Variants in CPA4 observed in about 807,000 individuals in gnomAD.
CPA4 encodes the protein carboxypeptidase A4, also known as carboxypeptidase A3.
In CPA4, 49 loss-of-function variants were observed where a neutral mutation model predicts 54.7. That is an observed-to-expected ratio of 0.90 (90% CI 0.71 to 1.14). The LOEUF (loss-of-function observed/expected upper bound fraction) is 1.14, where lower values mean the gene tolerates loss of function less well. CPA4 is among the 50% of genes most tolerant of loss of function. The pLI is 0.00. For synonymous variants in CPA4, 215 were observed against 206.8 expected (o/e 1.04, Z -0.34); for missense variants, 487 against 525.1 (o/e 0.93, Z 0.71).
In CPA4 at chr7:130,310,268, G is replaced by T. The variant is rs1214505739; in HGVS notation, c.794-519G>T. 2.0e-5 allele frequency among the ~76,000 whole-genome samples: 3 copies of T among 152,048 alleles called. No homozygotes were observed. Among genetic ancestry groups the T allele is most frequent in the Non-Finnish European group, 4.4e-5 (3 of 68,014 alleles). ...CACGCACACACACACGTATGCACGT[G>T]TGCACACACACACCCTAGAAACCCG... On this transcript the variant is annotated intron_variant, in intron 8 of 10. Coordinates refer to ENST00000222482, the MANE Select transcript of CPA4 (RefSeq NM_016352.4). The surrounding 1 kb of genome is among the most constrained non-coding windows in gnomAD (Gnocchi z 4.3).
At chr7:130,308,251 C>A in intron 7 of CPA4, 56 bp from the exon 8 acceptor site, 1 of 1,480,198 alleles carries the variant, frequency 6.8e-7, no homozygotes. Flanking sequence ...CCCTAGCCCT[C>A]TTCGGTGATC....
chr7:130,299,978 T>C (rs1408672087), intron 3 of CPA4, among the ~76,000 whole-genome samples: 1 of 152,222 alleles, frequency 6.6e-6, no homozygotes, highest in Non-Finnish European at 1.5e-5. Flanking sequence ...CCTCACGACC[T>C]GTATCTGAAC....
chr7:130,305,448 G>A (rs909915287), intron 5 of CPA4, among the ~76,000 whole-genome samples: 2 of 152,052 alleles, frequency 1.3e-5, no homozygotes, highest in Admixed American at 1.3e-4. Context: ...TTATCATGTC[G>A]ACCGAAACAG....
At chr7:130,311,750 T>C (rs889857456) in intron 9 of CPA4, among the ~76,000 whole-genome samples, 1 of 151,822 alleles carries the variant, frequency 6.6e-6, no homozygotes, top group Non-Finnish European at 1.5e-5. Context: ...AGAACCCCCA[T>C]CTCTTCCAAT....
intron 10 of CPA4, among the ~76,000 whole-genome samples, chr7:130,312,548 C>G (rs1793931196): frequency 6.6e-6 from 1 of 152,186 alleles, no homozygotes; most frequent in African/African-American, 2.4e-5. Context: ...GTAATTGAAT[C>G]ATGGGGGCAG....
At chr7:130,298,917 A>G in intron 2 of CPA4, 90 bp downstream of exon 2, 1 of 803,850 alleles carries the variant, frequency 1.2e-6, no homozygotes, top group East Asian at 2.5e-5. Context: ...TTTATTTCTG[A>G]GGAGTCTCTG....
intron 1 of CPA4, among the ~76,000 whole-genome samples, chr7:130,298,104 C>T (rs918410257): frequency 4.6e-5 from 7 of 152,170 alleles, no homozygotes; most frequent in South Asian, 4.1e-4. Flanking sequence ...TCCACCCAAA[C>T]GAGCCTCTGT....
rs1173336986 is a variant in CPA4 at position 130,322,419 on chromosome 7, C to G, written c.1079-70C>G. ...CTTAAGGAACCCCAGGCAGGCAGAG[C>G]TCTTGGCCCCTTCCCATCTAACCCA... is the stretch of plus-strand genomic sequence containing the variant. On this transcript the variant is annotated intron_variant, in intron 10 of 10. Coordinates refer to ENST00000222482, the MANE Select transcript of CPA4 (RefSeq NM_016352.4). 3.8e-6 allele frequency: 5 copies of G among 1,326,678 alleles called. No homozygotes were observed. The Admixed American group carries it at 9.3e-5, about 25-fold the overall frequency. 82.2% of individuals were successfully genotyped at this position (1,326,678 alleles called of 1,614,324 possible). A position where few individuals can be genotyped will look rare whatever the true frequency, so the allele number is the denominator to read the frequency against.
At chr7:130,299,059 G>T (rs1793698306) in intron 2 of CPA4, among the ~76,000 whole-genome samples, 1 of 152,246 alleles carries the variant, frequency 6.6e-6, no homozygotes, top group Admixed American at 6.5e-5. Flanking sequence ...CCTTCTAGCT[G>T]CCATCCACTT....
rs552604106 is a variant in CPA4 at position 130,311,216 on chromosome 7, C to T, written c.993+230C>T. ...TGAGTTCCCAGAACCGTGCCTGCCC[C>T]GCCTTTCCGTCTCCCTTGTTTTTCT... On this transcript the variant is annotated intron_variant, in intron 9 of 10. Coordinates refer to ENST00000222482, the MANE Select transcript of CPA4 (RefSeq NM_016352.4). Among the ~76,000 whole-genome samples, 31 of 152,324 alleles carry T rather than the reference C, an allele frequency of 2.0e-4. 1 individual carries two copies. The highest frequency in any genetic ancestry group is 8.5e-4 in the Admixed American group (13 of 15,298).
At chr7:130,312,518 T>G (rs1223264271) in intron 10 of CPA4, among the ~76,000 whole-genome samples, 2 of 152,150 alleles carry the variant, frequency 1.3e-5, no homozygotes, top group Non-Finnish European at 2.9e-5. Flanking sequence ...CCACATGTTG[T>G]GGGAGGGACC....
intron 2 of CPA4, among the ~76,000 whole-genome samples, chr7:130,299,068 T>G (rs977926021): frequency 5.9e-5 from 9 of 152,262 alleles, no homozygotes; most frequent in African/African-American, 2.2e-4. Flanking sequence ...TGCCATCCAC[T>G]TATGACTCTT....
At chr7:130,311,652 C>T (rs978281006) in intron 9 of CPA4, among the ~76,000 whole-genome samples, 2 of 152,110 alleles carry the variant, frequency 1.3e-5, no homozygotes, top group African/African-American at 4.8e-5. Context: ...TTTGGCCCTC[C>T]CTCATGTGTG....
In CPA4 at chr7:130,308,407, G is replaced by C. The variant is rs912344719; in HGVS notation, c.793+10G>C. On this transcript the variant is annotated intron_variant, in intron 8 of 10. Coordinates refer to ENST00000222482, the MANE Select transcript of CPA4 (RefSeq NM_016352.4). ...AACGCTAGTTTTGCAGGTAGGCGGT[G>C]GGGAGACAGTTCTCAAATCCTGCTG... 1.9e-6 allele frequency: 3 copies of C among 1,609,990 alleles called. No individual in the cohort carries two copies. Among genetic ancestry groups the C allele is most frequent in the Non-Finnish European group, 1.7e-6 (2 of 1,176,250 alleles).
In CPA4 at chr7:130,323,895, TTGTG is replaced by T. The variant is rs57842029; in HGVS notation, c.*1257_*1260del. 0.1 allele frequency: 14,657 copies of T among 145,102 alleles called. 786 individuals carry two copies. Among genetic ancestry groups the T allele is most frequent in the African/African-American group, 0.16 (6,061 of 38,974 alleles). 9.0% of individuals were successfully genotyped at this position (145,102 alleles called of 1,614,324 possible). A position where few individuals can be genotyped will look rare whatever the true frequency, so the allele number is the denominator to read the frequency against. ...GTATCCTGTGTTTCCTTGTCCTGGT[TTGTG>T]TGTGTGTGTGTGTGTGTGTGTGTGT... is the stretch of plus-strand genomic sequence containing the variant. On this transcript the variant is annotated 3_prime_UTR_variant, in exon 11 of 11. Transcript: ENST00000222482.
chr7:130,311,031 C>A (rs1469086142), intron 9 of CPA4, 45 bp downstream of exon 9: 2 of 1,494,372 alleles, frequency 1.3e-6, no homozygotes, highest in South Asian at 1.1e-5. Context: ...CCGCCTGACC[C>A]TCCTGGCGCT....
In CPA4 at chr7:130,310,929, G is replaced by A; in HGVS notation, c.936G>A (p.Gln312=). 6.2e-7 allele frequency: 1 copy of A among 1,614,154 alleles called. No individual in the cohort carries two copies. The highest frequency in any genetic ancestry group is 2.2e-5 in the East Asian group (1 of 44,876). ...KGFIDLHSYS[Q]LLMYPYGYSV... ...TCATCGACCTGCACAGCTACTCGCA[G>A]CTGCTGATGTATCCATATGGGTACT... Residue 312 remains glutamine (Q), a synonymous_variant, in exon 9 of 11, where the codon CAG becomes CAA. Coordinates refer to ENST00000222482, the MANE Select transcript of CPA4 (RefSeq NM_016352.4). This position sits in a 1 kb window ranked among gnomAD's most constrained non-coding sequence, Gnocchi z 4.3.
chr7:130,298,837 TC>T lies in CPA4; in HGVS notation c.150+11del, dbSNP rs780135375. The T allele has an allele frequency of 6.6e-7, 1 of 1,517,068 alleles. No homozygotes were observed. The highest frequency in any genetic ancestry group is 1.4e-5 in the African/African-American group (1 of 73,172). 94.0% of individuals were successfully genotyped at this position (1,517,068 alleles called of 1,614,324 possible). On this transcript the variant is annotated intron_variant, in intron 2 of 10. Transcript: ENST00000222482. ...TTCAAACAACTTGAAGGTACCTGGT[TC>T]TTTTTAGCTCTCCTGAGTGTTTTCT...
chr7:130,293,483 C>G, intron 1 of CPA4: 1 of 492,882 alleles, frequency 2.0e-6, no homozygotes, highest in Non-Finnish European at 3.6e-6. Flanking sequence ...CATCTCCTGC[C>G]AGTTCTTTTT....
Sources: allele counts gnomAD v4.1 joint callset (sites outside exome capture counted in the v4.1 genomes callset), GRCh38; gene constraint gnomAD v4.1.1; non-coding constraint Gnocchi (gnomAD v3.1); transcripts MANE v1.5; gene names NCBI Gene and HGNC (gene_info 2026-07-23, HGNC 2026-07-21).